The following ATP2C2 variants were observed in gnomAD, a reference collection of about 807,000 sequenced individuals.
ATP2C2 encodes the protein ATPase secretory pathway Ca2+ transporting 2.
Under a neutral mutation model 110.8 loss-of-function variants are expected in ATP2C2, and 171 were observed. The observed-to-expected ratio is 1.54, with a 90% CI of 1.36 to 1.75. The LOEUF is 1.75. Ranked by LOEUF, ATP2C2 falls within the 40% of genes most tolerant of loss-of-function variation. The pLI is 0.00. For synonymous variants in ATP2C2, 804 were observed against 508.4 expected (o/e 1.58, Z -7.82); for missense variants, 1,963 against 1,235.0 (o/e 1.59, Z -8.84).
intron 11 of ATP2C2, among the ~76,000 whole-genome samples, chr16:84,430,404 ACTGAGGCAGACG>A (rs1555562223): frequency 4.9e-5 from 3 of 61,758 alleles, no homozygotes; most frequent in South Asian, 1.1e-3. Context: ...ACTTTTGGAC[ACTGAGGCAGACG>A]GATCACTTGA....
chr16:84,390,771 T>C (rs1287592088), intron 1 of ATP2C2, among the ~76,000 whole-genome samples: 4 of 152,150 alleles, frequency 2.6e-5, no homozygotes, highest in African/African-American at 9.7e-5. Context: ...ACAGTTAATT[T>C]TTTGTTATGT....
chr16:84,411,272 T>C (rs1048973661), intron 6 of ATP2C2, among the ~76,000 whole-genome samples: 12 of 151,252 alleles, frequency 7.9e-5, no homozygotes, highest in Non-Finnish European at 1.3e-4. Flanking sequence ...CAGTTTTCCA[T>C]TGGTTACTGC....
intron 2 of ATP2C2, chr16:84,404,897 A>G: frequency 1.6e-6 from 1 of 636,546 alleles, no homozygotes; most frequent in East Asian, 3.3e-5. Context: ...GAAATTTAAG[A>G]CCAGAGTCGT....
chr16:84,420,121 C>T (rs1217908849), intron 7 of ATP2C2, among the ~76,000 whole-genome samples: 1 of 152,182 alleles, frequency 6.6e-6, no homozygotes, highest in African/African-American at 2.4e-5. Context: ...TGCTCCCTGT[C>T]CCTCCTCCCA....
At chr16:84,377,097 G>C (rs181994350) in intron 1 of ATP2C2, among the ~76,000 whole-genome samples, 217 of 152,316 alleles carry the variant, frequency 1.4e-3, no homozygotes, top group African/African-American at 5.1e-3. Flanking sequence ...CGTGTGCTAA[G>C]ACTGAGTGAG....
At chr16:84,458,805 G>A (rs751339851) in intron 21 of ATP2C2, among the ~76,000 whole-genome samples, 7 of 152,216 alleles carry the variant, frequency 4.6e-5, no homozygotes, top group Admixed American at 6.5e-5. Flanking sequence ...CGCACTTCGG[G>A]AGTCTGGGCA....
chr16:84,448,746 A>C lies in ATP2C2; in HGVS notation c.1660+57A>C, dbSNP rs545455529. The C allele has an allele frequency of 1.0e-5, 16 of 1,551,194 alleles. No homozygotes were observed. The South Asian group carries it at 1.7e-4, about 17-fold the overall frequency. ...AAGCTTGCATGTAACATTGACTTTT[A>C]AGTGCATTCAAGCAGGGTCCCTAGT... On this transcript the variant is annotated intron_variant, in intron 17 of 26. Transcript: ENST00000262429.
rs1383632078 is a variant in ATP2C2 at position 84,463,760 on chromosome 16, A to C, written c.*28A>C. 2 of 1,567,522 alleles carry C rather than the reference A, an allele frequency of 1.3e-6. No homozygotes were observed. Among genetic ancestry groups the C allele is most frequent in the Non-Finnish European group, 8.8e-7 (1 of 1,137,788 alleles). On this transcript the variant is annotated 3_prime_UTR_variant, in exon 27 of 27. Transcript: ENST00000262429. ...GACCGCACTCCGCGGCACCTTCCCT[A>C]ATCATCTCGATCTGGTTGTGACTGT...
At chr16:84,380,823 A>G (rs994438767) in intron 1 of ATP2C2, among the ~76,000 whole-genome samples, 1 of 152,226 alleles carries the variant, frequency 6.6e-6, no homozygotes, top group African/African-American at 2.4e-5. Context: ...TCAAGCATGT[A>G]AGGTAGCACC....
chr16:84,395,576 C>T (rs1369314965), intron 1 of ATP2C2, among the ~76,000 whole-genome samples: 3 of 149,996 alleles, frequency 2.0e-5, no homozygotes, highest in Admixed American at 6.6e-5. Flanking sequence ...CTCCCTGACT[C>T]TGGCTCATTG....
At chr16:84,432,520 C>A (rs1259972592) in intron 11 of ATP2C2, among the ~76,000 whole-genome samples, 1 of 151,670 alleles carries the variant, frequency 6.6e-6, no homozygotes, top group Non-Finnish European at 1.5e-5. Flanking sequence ...TGAGAACATG[C>A]CGTGTTTGCT....
In ATP2C2 at chr16:84,448,513, T is replaced by C. The variant is rs1416835953; in HGVS notation, c.1504-20T>C. 3.1e-6 allele frequency: 5 copies of C among 1,598,384 alleles called. No homozygotes were observed. The highest frequency in any genetic ancestry group is 3.4e-6 in the Non-Finnish European group (4 of 1,169,160). On this transcript the variant is annotated intron_variant, in intron 16 of 26. Coordinates refer to ENST00000262429, the MANE Select transcript of ATP2C2 (RefSeq NM_014861.4). ...AAGGCTTCCAGTGATAGTGGATTTCTTCCCTTTGTCTTTTCTAAGGATCAG... is the reference window on the plus strand; with the variant it reads ...AAGGCTTCCAGTGATAGTGGATTTCCTCCCTTTGTCTTTTCTAAGGATCAG...
intron 4 of ATP2C2, among the ~76,000 whole-genome samples, chr16:84,409,856 G>A (rs988357990): frequency 3.3e-5 from 5 of 152,096 alleles, no homozygotes; most frequent in Admixed American, 6.5e-5. Context: ...GTTCCAGCCG[G>A]TATTTTAAAA....
chr16:84,386,681 C>T (rs1046493998), intron 1 of ATP2C2, among the ~76,000 whole-genome samples: 1 of 152,194 alleles, frequency 6.6e-6, no homozygotes, highest in Non-Finnish European at 1.5e-5. Flanking sequence ...TGGAAAACAT[C>T]TCTGAAGCCC....
chr16:84,439,598 A>G (rs918122722), intron 13 of ATP2C2, 74 bp downstream of exon 13: 78 of 1,319,998 alleles, frequency 5.9e-5, no homozygotes, highest in Non-Finnish European at 7.6e-5. Flanking sequence ...CTAAGCACAC[A>G]ATGTCTTCTA....
At chr16:84,426,051 TAAAA>T (rs11286978) in intron 11 of ATP2C2, 1,361 of 358,716 alleles carry the variant, frequency 3.8e-3, no homozygotes, top group South Asian at 0.013. Context: ...CTTGCATTGC[TAAAA>T]AAAAAAAAAA....
intron 6 of ATP2C2, among the ~76,000 whole-genome samples, chr16:84,411,843 G>A (rs758203601): frequency 1.3e-4 from 20 of 152,276 alleles, no homozygotes; most frequent in Non-Finnish European, 2.6e-4. Context: ...GAACATCTGC[G>A]GGGGCCCTTC....
At chr16:84,415,650 C>T in intron 7 of ATP2C2, 59 bp downstream of exon 7, 2 of 1,395,908 alleles carry the variant, frequency 1.4e-6, no homozygotes, top group Non-Finnish European at 2.0e-6. Flanking sequence ...AAGGAGCAGA[C>T]ACTTAGCTAA....
intron 11 of ATP2C2, among the ~76,000 whole-genome samples, chr16:84,430,093 G>C (rs1219383192): frequency 6.6e-6 from 1 of 152,100 alleles, no homozygotes; most frequent in African/African-American, 2.4e-5. Flanking sequence ...ATTTTTATTT[G>C]ATGATGTCTG....
Sources: allele counts gnomAD v4.1 joint callset (sites outside exome capture counted in the v4.1 genomes callset), GRCh38; gene constraint gnomAD v4.1.1; transcripts MANE v1.5; gene names NCBI Gene and HGNC (gene_info 2026-07-23, HGNC 2026-07-21).